The following MAGI3 variants were observed in gnomAD, a reference collection of about 807,000 sequenced individuals.
MAGI3 encodes membrane associated guanylate kinase, WW and PDZ domain containing 3, also known as membrane-associated guanylate kinase, WW and PDZ domain-containing protein 3.
Under a neutral mutation model 121.8 loss-of-function variants are expected in MAGI3, and 43 were observed. The ratio of observed to expected loss-of-function variants is 0.35; its 90% CI spans 0.28 to 0.46. The LOEUF (loss-of-function observed/expected upper bound fraction) is 0.46, where lower values mean the gene tolerates loss of function less well. Among genes scored for constraint, MAGI3 ranks in the 20% least tolerant of loss-of-function variants. The pLI, the probability that MAGI3 is intolerant of heterozygous loss-of-function variation, is 1.00. For synonymous variants in MAGI3, 553 were observed against 639.3 expected, an observed-to-expected ratio of 0.86 and a Z score of 2.04; for missense variants, 1,547 against 1,797.3, an observed-to-expected ratio of 0.86 and a Z score of 2.52.
At chr1:113,669,156 T>A (rs940163945) in intron 16 of MAGI3, among the ~76,000 whole-genome samples, 1 of 152,166 alleles carries the variant, frequency 6.6e-6, no homozygotes, top group Non-Finnish European at 1.5e-5. Flanking sequence ...ATAGTAACCA[T>A]GAATTTACAG....
intron 5 of MAGI3, among the ~76,000 whole-genome samples, chr1:113,592,451 G>T (rs535380980): frequency 5.3e-5 from 8 of 152,138 alleles, no homozygotes; most frequent in Non-Finnish European, 1.0e-4. Flanking sequence ...TGGATCATGG[G>T]AACCTAAGTT....
At position 113,414,497 on chromosome 1, in the gene MAGI3, C is replaced by T. The variant is rs556347797; in HGVS notation, c.316+23148C>T. Among the ~76,000 whole-genome samples the T allele has an allele frequency of 1.4e-3, 214 of 152,086 alleles. 2 individuals carry two copies. Among genetic ancestry groups the T allele is most frequent in the African/African-American group, 4.9e-3 (203 of 41,486 alleles). ...CTCTGTTAGAATTTGGCTGTGAATC[C>T]GTCTGGTCCTGGATTTTTTTTGTTG... On this transcript the variant is annotated intron_variant, in intron 1 of 20. Transcript: ENST00000307546.
intron 16 of MAGI3, among the ~76,000 whole-genome samples, chr1:113,665,477 T>G (rs1653994741): frequency 1.3e-5 from 2 of 152,130 alleles, no homozygotes; most frequent in East Asian, 3.8e-4. Context: ...TGACTACATA[T>G]TCATGGAACT....
Position 113,574,957 on chromosome 1 carries a change from C to T in MAGI3, c.434-5585C>T, listed in dbSNP as rs2359410. ...AAGTTGATCTTCAGTCTCTGATATC[C>T]GTTCTTCCACTTGATTGATTTGCTT... On this transcript the variant is annotated intron_variant, in intron 2 of 20. Coordinates refer to ENST00000307546, the MANE Select transcript of MAGI3 (RefSeq NM_001142782.2). Among the ~76,000 whole-genome samples the T allele has an allele frequency of 9.2e-5, 14 of 151,970 alleles. No individual in the cohort carries two copies. In the South Asian group the frequency reaches 1.9e-3, roughly 20 times the overall value.
chr1:113,514,168 C>T (rs1258681166), intron 1 of MAGI3, among the ~76,000 whole-genome samples: 2 of 152,210 alleles, frequency 1.3e-5, no homozygotes, highest in Admixed American at 6.5e-5. Context: ...CACTTTTACA[C>T]CATTGGTGGG....
In MAGI3 at chr1:113,523,394, C is replaced by A. The variant is rs550632575; in HGVS notation, c.317-26121C>A. ...AGAGCTCAGAAGAAGACAGGAAAAT[C>A]TGGGAAAGTTTGGGACTCCCTAGAG... On this transcript the variant is annotated intron_variant, in intron 1 of 20. Coordinates refer to ENST00000307546, the MANE Select transcript of MAGI3 (RefSeq NM_001142782.2). 1.4e-4 allele frequency among the ~76,000 whole-genome samples: 21 copies of A among 152,212 alleles called. No individual in the cohort carries two copies. The South Asian group carries it at 3.5e-3, about 26-fold the overall frequency.
chr1:113,609,937 C>G (rs893915585), intron 6 of MAGI3, among the ~76,000 whole-genome samples: 1 of 151,712 alleles, frequency 6.6e-6, no homozygotes, highest in Non-Finnish European at 1.5e-5. Flanking sequence ...TTTATACTAT[C>G]TTTTCCACAA....
chr1:113,417,072 T>C (rs1652489626), intron 1 of MAGI3, among the ~76,000 whole-genome samples: 1 of 152,116 alleles, frequency 6.6e-6, no homozygotes, highest in South Asian at 2.1e-4. Context: ...TTTTTTCACT[T>C]CTCCATTGTT....
chr1:113,503,695 C>T (rs1409946300), intron 1 of MAGI3, among the ~76,000 whole-genome samples: 1 of 151,912 alleles, frequency 6.6e-6, no homozygotes, highest in Non-Finnish European at 1.5e-5. Flanking sequence ...GAATAATCTT[C>T]AGATACTAAG....
intron 1 of MAGI3, among the ~76,000 whole-genome samples, chr1:113,405,683 A>C (rs1557737983): frequency 6.6e-6 from 1 of 152,098 alleles, no homozygotes; most frequent in Non-Finnish European, 1.5e-5. Flanking sequence ...GCTAAGGTGC[A>C]GACTGTAGAT....
chr1:113,534,632 A>T (rs1449740163), intron 1 of MAGI3, among the ~76,000 whole-genome samples: 1 of 152,242 alleles, frequency 6.6e-6, no homozygotes, highest in East Asian at 1.9e-4. Context: ...AGACTGGTTT[A>T]TGATACTATA....
intron 1 of MAGI3, among the ~76,000 whole-genome samples, chr1:113,399,700 TA>T (rs1392693851): frequency 7.2e-5 from 11 of 152,118 alleles, no homozygotes; most frequent in Admixed American, 5.2e-4. Flanking sequence ...TAATTTTCTT[TA>T]AAAAAATTAA....
intron 1 of MAGI3, among the ~76,000 whole-genome samples, chr1:113,506,985 A>G (rs1242127586): frequency 1.3e-5 from 2 of 152,156 alleles, no homozygotes; most frequent in African/African-American, 4.8e-5. Flanking sequence ...CATAGTGAGC[A>G]TGCTTTGGGT....
chr1:113,681,502 T>A (rs186868872), intron 20 of MAGI3, among the ~76,000 whole-genome samples, 166 bp downstream of exon 20: 23 of 152,338 alleles, frequency 1.5e-4, no homozygotes, highest in African/African-American at 5.5e-4. Context: ...TAAATAGTAT[T>A]AGAAAACAAG....
At chr1:113,509,936 G>C (rs1441161755) in intron 1 of MAGI3, among the ~76,000 whole-genome samples, 1 of 151,426 alleles carries the variant, frequency 6.6e-6, no homozygotes, top group South Asian at 2.1e-4. Flanking sequence ...GTTGCCTCCA[G>C]GGCCCAGCCT....
At chr1:113,613,983 A>G (rs1051452684) in intron 6 of MAGI3, among the ~76,000 whole-genome samples, 8 of 152,226 alleles carry the variant, frequency 5.3e-5, no homozygotes, top group African/African-American at 1.7e-4. Flanking sequence ...AATTAGTAAT[A>G]TATAAAAATG....
At chr1:113,650,445 A>T (rs1653094679) in intron 13 of MAGI3, among the ~76,000 whole-genome samples, 1 of 152,218 alleles carries the variant, frequency 6.6e-6, no homozygotes, top group Non-Finnish European at 1.5e-5. Context: ...TAATTACAGG[A>T]TTCTAATGCT....
rs1652587455 is a variant in MAGI3 at position 113,642,274 on chromosome 1, A to G, written c.1724A>G (p.Glu575Gly). The G allele has an allele frequency of 6.2e-7, 1 of 1,614,186 alleles. No individual in the cohort carries two copies. The highest frequency in any genetic ancestry group is 8.5e-7 in the Non-Finnish European group (1 of 1,180,032). The change falls in exon 10 of 21, where the codon GAA becomes GGA. Residue 575 changes from glutamate (E) to glycine (G), a missense_variant. Physicochemically the swap from Glu to Gly is moderately conservative, Grantham distance 98. Transcript: ENST00000307546. ...SMASSGSSQP[E>G]LVTIPLIKGP... is the part of the protein sequence containing the mutation. ...GCATCGTCAGGCAGCTCCCAGCCTGAACTAGTGACTATCCCTTTGATTAAG... is the reference window on the plus strand; with the variant it reads ...GCATCGTCAGGCAGCTCCCAGCCTGGACTAGTGACTATCCCTTTGATTAAG...
chr1:113,655,564 T>A (rs1052640190), intron 15 of MAGI3, among the ~76,000 whole-genome samples: 4 of 152,084 alleles, frequency 2.6e-5, no homozygotes, highest in African/African-American at 9.7e-5. Flanking sequence ...TAAAAATCTT[T>A]AAGTAGTTTT....
Sources: gnomAD v4.1 joint callset for allele counts (sites outside exome capture counted in the v4.1 genomes callset) on GRCh38, gnomAD v4.1.1 for gene constraint, MANE v1.5 for transcripts, NCBI Gene and HGNC (gene_info 2026-07-23, HGNC 2026-07-21) for gene names.